TMEM63B: variants seen among roughly 807,000 people sequenced by gnomAD.
TMEM63B encodes transmembrane protein 63B.
Under a neutral mutation model 102.6 loss-of-function variants are expected in TMEM63B, and 23 were observed. That is an observed-to-expected ratio of 0.22 (90% CI 0.16 to 0.32). The LOEUF (loss-of-function observed/expected upper bound fraction) is 0.32, where lower values mean the gene tolerates loss of function less well. Among genes scored for constraint, TMEM63B ranks in the 10% least tolerant of loss-of-function variants. The pLI is 1.00. For synonymous variants in TMEM63B, 444 were observed against 437.0 expected (o/e 1.02, Z -0.20); for missense variants, 628 against 1,095.9 (o/e 0.57, Z 6.03).
intron 3 of TMEM63B, 54 bp from the exon 4 acceptor site, chr6:44,135,274 G>T: frequency 1.3e-6 from 2 of 1,591,372 alleles, no homozygotes; most frequent in East Asian, 2.3e-5. Context: ...TTCCTCACCT[G>T]TCCCCAGGGA....
In TMEM63B at chr6:44,134,621, G is replaced by C. The variant is rs1762568711; in HGVS notation, c.37G>C (p.Ala13Pro). 21 of 1,614,146 alleles carry C rather than the reference G, an allele frequency of 1.3e-5. No individual in the cohort carries two copies. The highest frequency in any genetic ancestry group is 1.5e-5 in the Non-Finnish European group (18 of 1,180,026). ...TCTGCTGGCCACACTGGGCACCACA[G>C]CCCTCAACAACAGCAACCCCAAGGA... is the stretch of plus-strand genomic sequence containing the variant. ...PFLLATLGTT[A>P]LNNSNPKDYC... Residue 13 changes from alanine to proline, a missense_variant, in exon 2 of 24, where the codon GCC becomes CCC. Ala to Pro is a conservative substitution (Grantham distance 27). This residue lies in a region of TMEM63B where 336 missense variants were observed against 580.3 expected (regional missense o/e 0.58). Coordinates refer to ENST00000323267, the MANE Select transcript of TMEM63B (RefSeq NM_018426.3).
chr6:44,136,581 G>C lies in TMEM63B; in HGVS notation c.369+142G>C, dbSNP rs1376637996. 3.0e-5 allele frequency: 20 copies of C among 660,092 alleles called. No individual in the cohort carries two copies. In the Admixed American group the frequency reaches 3.6e-4, roughly 12 times the overall value. The allele number at this position is 660,092 out of a possible 1,614,324, so 40.9% of individuals were successfully genotyped here. The stretch of plus-strand genomic sequence containing the variant: ...CAGCAAAGAAAGTGATTCAACCAAG[G>C]AGCCACAGGATGACCCCCCAGGCCC... On this transcript the variant is annotated intron_variant, in intron 5 of 23. Coordinates refer to ENST00000323267, the MANE Select transcript of TMEM63B (RefSeq NM_018426.3).
chr6:44,147,154 A>G (rs1205612823), intron 11 of TMEM63B, among the ~76,000 whole-genome samples: 1 of 152,194 alleles, frequency 6.6e-6, no homozygotes, highest in Non-Finnish European at 1.5e-5. Flanking sequence ...ATCTGAGGAC[A>G]TGCCCTTCTT....
chr6:44,128,994 G>A (rs955697147), intron 1 of TMEM63B, among the ~76,000 whole-genome samples: 5 of 152,236 alleles, frequency 3.3e-5, no homozygotes, highest in Admixed American at 3.3e-4. Context: ...TCCAAGTATA[G>A]CAGAGTCTTA....
chr6:44,129,012 G>A (rs1252809225), intron 1 of TMEM63B, among the ~76,000 whole-genome samples: 1 of 152,214 alleles, frequency 6.6e-6, no homozygotes, highest in African/African-American at 2.4e-5. Flanking sequence ...TTAGAGACCT[G>A]CGTTCAAATT....
Position 44,127,605 on chromosome 6 carries a change from T to G in TMEM63B, c.-98T>G. ...CCCGGAGCTCGAGCCGCCCAGCGAC[T>G]CCCCCTCCCCCTCCCCCAGCCCCGC... On this transcript the variant is annotated 5_prime_UTR_variant, in exon 1 of 24. Coordinates refer to ENST00000323267, the MANE Select transcript of TMEM63B (RefSeq NM_018426.3). 8.1e-6 allele frequency: 1 copy of G among 124,164 alleles called. No individual in the cohort carries two copies. Among genetic ancestry groups the G allele is most frequent in the African/African-American group, 3.1e-5 (1 of 32,198 alleles). 7.7% of individuals were successfully genotyped at this position (124,164 alleles called of 1,614,324 possible).
rs1763837917 is a variant in TMEM63B, at chr6:44,139,699, A to G, written c.551-9A>G. 22 of 1,614,058 alleles carry G rather than the reference A, an allele frequency of 1.4e-5. No individual in the cohort carries two copies. The highest frequency in any genetic ancestry group is 1.8e-5 in the Non-Finnish European group (21 of 1,179,998). On this transcript the variant is annotated splice_polypyrimidine_tract_variant and intron_variant, in intron 7 of 23. Transcript: ENST00000323267. The stretch of plus-strand genomic sequence containing the variant: ...CCACCATCATCCTCTCCCTCTTCCC[A>G]CCCCACAGAGAACAATGCCTACAGC...
At chr6:44,134,522 T>TG (rs1762550397) in intron 1 of TMEM63B, 39 bp from the exon 2 acceptor site, 28 of 1,580,968 alleles carry the variant, frequency 1.8e-5, no homozygotes, top group Non-Finnish European at 2.3e-5. Flanking sequence ...ATGAAGGGGA[T>TG]GGGGGCAAGC....
rs976806740 is a variant in TMEM63B at position 44,143,543 on chromosome 6, A to G, written c.782+2445A>G. 5.3e-5 allele frequency among the ~76,000 whole-genome samples: 8 copies of G among 151,138 alleles called. No individual in the cohort carries two copies. In the East Asian group the frequency reaches 1.2e-3, roughly 22 times the overall value. On this transcript the variant is annotated intron_variant, in intron 10 of 23. Coordinates refer to ENST00000323267, the MANE Select transcript of TMEM63B (RefSeq NM_018426.3). ...TACCATCCAGTTGGAATCAGTTGTCAGCTTGTATTGAAATCTGGTGTTTGT... is the reference window on the plus strand; with the variant it reads ...TACCATCCAGTTGGAATCAGTTGTCGGCTTGTATTGAAATCTGGTGTTTGT...
chr6:44,151,975 G>T lies in TMEM63B; in HGVS notation c.1803G>T (p.Ala601=). 6.2e-7 allele frequency: 1 copy of T among 1,611,252 alleles called. No individual in the cohort carries two copies. Among genetic ancestry groups the T allele is most frequent in the Non-Finnish European group, 8.5e-7 (1 of 1,178,696 alleles). The change falls in exon 19 of 24, where the codon GCG becomes GCT. Residue 601 remains alanine (A), a synonymous_variant. Coordinates refer to ENST00000323267, the MANE Select transcript of TMEM63B (RefSeq NM_018426.3). ...TGTACATGATCCGGCTCTGCCTGGCGCGCTCGGCCGCCGAGAGGCGCAACG... is the reference window on the plus strand; with the variant it reads ...TGTACATGATCCGGCTCTGCCTGGCTCGCTCGGCCGCCGAGAGGCGCAACG... ...LLMYMIRLCL[A]RSAAERRNVK...
Position 44,152,651 on chromosome 6 carries a change from C to T in TMEM63B, c.1895C>T (p.Thr632Met), listed in dbSNP as rs1431296279. 4 of 1,608,344 alleles carry T rather than the reference C, an allele frequency of 2.5e-6. No individual in the cohort carries two copies. The highest frequency in any genetic ancestry group is 3.4e-6 in the Non-Finnish European group (4 of 1,180,000). ...TACGCCTGGATGATGTGCGTCTTCA[C>T]GGTGGTCATGACCTACAGTATCACC... ...AAYAWMMCVFTVVMTYSITCP... is the reference protein window; with the variant it reads ...AAYAWMMCVFMVVMTYSITCP... Residue 632 changes from threonine to methionine, a missense_variant, in exon 20 of 24, where the codon ACG becomes ATG. This residue lies in a region of TMEM63B where 90 missense variants were observed against 136.7 expected (regional missense o/e 0.66). Transcript: ENST00000323267. This position sits in a 1 kb window ranked among gnomAD's most constrained non-coding sequence, Gnocchi z 6.4.
intron 9 of TMEM63B, among the ~76,000 whole-genome samples, 188 bp from the exon 10 acceptor site, chr6:44,140,840 C>T (rs1180063550): frequency 1.3e-5 from 2 of 152,070 alleles, no homozygotes; most frequent in Non-Finnish European, 1.5e-5. Context: ...GAAACACTCC[C>T]CTGCTTTCCC....
In TMEM63B at chr6:44,150,112, G is replaced by T; in HGVS notation, c.1521-112G>T. 1 of 1,339,648 alleles carries T rather than the reference G, an allele frequency of 7.5e-7. No homozygotes were observed. Among genetic ancestry groups the T allele is most frequent in the East Asian group, 2.4e-5 (1 of 41,538 alleles). The allele number at this position is 1,339,648 out of a possible 1,614,324, so 83.0% of individuals were successfully genotyped here. ...GGGTAGTGCCCAGCACCCTCACCTT[G>T]GGAGGCCCACCCTTCCCAGGGGACA... On this transcript the variant is annotated intron_variant, in intron 16 of 23. Coordinates refer to ENST00000323267, the MANE Select transcript of TMEM63B (RefSeq NM_018426.3). The surrounding 1 kb of genome is among the most constrained non-coding windows in gnomAD (Gnocchi z 4.7).
chr6:44,133,530 C>G (rs1762344849), intron 1 of TMEM63B, among the ~76,000 whole-genome samples: 1 of 152,214 alleles, frequency 6.6e-6, no homozygotes, highest in Non-Finnish European at 1.5e-5. Context: ...TGGGGCAGTG[C>G]TGCATCTGTT....
At chr6:44,146,712 A>G (rs528781652) in intron 10 of TMEM63B, 135 bp from the exon 11 acceptor site, 11 of 895,438 alleles carry the variant, frequency 1.2e-5, no homozygotes, top group African/African-American at 1.6e-5. Flanking sequence ...CGGCCCCCCA[A>G]AGTGCTGGGA....
At position 44,149,909 on chromosome 6, in the gene TMEM63B, G is replaced by A. The variant is rs755947120; in HGVS notation, c.1464G>A (p.Ser488=). ...CCACCCTGCTGCTGTGGTGCTTCTC[G>A]GCCCTCCTTCCCACCATCGTCTACT... The part of the protein sequence containing the change: ...FFPTLLLWCF[S]ALLPTIVYYS... Residue 488 remains serine (S), a synonymous_variant, in exon 16 of 24, where the codon TCG becomes TCA. Coordinates refer to ENST00000323267, the MANE Select transcript of TMEM63B (RefSeq NM_018426.3). The A allele has an allele frequency of 3.3e-5, 53 of 1,613,392 alleles. No homozygotes were observed. The highest frequency in any genetic ancestry group is 1.2e-4 in the Admixed American group (7 of 59,914).
At position 44,139,469 on chromosome 6, in the gene TMEM63B, A is replaced by G. The variant is rs755585313; in HGVS notation, c.410A>G (p.Asp137Gly). Residue 137 changes from aspartate to glycine, a missense_variant and splice_region_variant, in exon 7 of 24, where the codon GAT becomes GGT. By Grantham distance (94) the Asp-to-Gly change is moderately conservative. Coordinates refer to ENST00000323267, the MANE Select transcript of TMEM63B (RefSeq NM_018426.3). ...SWLTAIFRIKDDEIRDKCGGD... is the reference protein window; with the variant it reads ...SWLTAIFRIKGDEIRDKCGGD... ...TTGTCCAACCCGTATGGCTGCAGGGATGATGAGATCCGGGACAAATGTGGG... is the reference window on the plus strand; with the variant it reads ...TTGTCCAACCCGTATGGCTGCAGGGGTGATGAGATCCGGGACAAATGTGGG... 3.5e-5 allele frequency: 57 copies of G among 1,613,970 alleles called. No homozygotes were observed. The highest frequency in any genetic ancestry group is 4.8e-5 in the Non-Finnish European group (57 of 1,180,024).
intron 5 of TMEM63B, among the ~76,000 whole-genome samples, chr6:44,136,818 G>A (rs536017707): frequency 2.6e-5 from 4 of 152,306 alleles, no homozygotes; most frequent in Admixed American, 6.5e-5. Context: ...AGGCCGAGGC[G>A]GGAGGATCAC....
chr6:44,134,732 A>G lies in TMEM63B; in HGVS notation c.148A>G (p.Met50Val), dbSNP rs772159167. The G allele has an allele frequency of 1.9e-6, 3 of 1,612,696 alleles. No homozygotes were observed. Among genetic ancestry groups the G allele is most frequent in the Non-Finnish European group, 2.5e-6 (3 of 1,178,998 alleles). ...GVPTVLALDF[M>V]CFLALLFLFS... is the part of the protein sequence containing the mutation. Reference sequence around the variant, plus strand: ...CCCCACCGTGCTGGCTCTCGACTTCATGTGCTTCCTTGTAAGTGCCTGCTG... The same window carrying G: ...CCCCACCGTGCTGGCTCTCGACTTCGTGTGCTTCCTTGTAAGTGCCTGCTG... Residue 50 changes from methionine to valine, a missense_variant, in exon 2 of 24, where the codon ATG (methionine) becomes GTG (valine). Physicochemically the swap from Met to Val is conservative, Grantham distance 21. Around this residue, in one of 6 missense-constraint regions of TMEM63B, gnomAD observed 336 missense variants for 580.3 expected, o/e 0.58. Transcript: ENST00000323267.
Sources: allele counts gnomAD v4.1 joint callset (sites outside exome capture counted in the v4.1 genomes callset), GRCh38; gene constraint gnomAD v4.1.1; regional missense constraint gnomAD v4.1.1; non-coding constraint Gnocchi (gnomAD v3.1); transcripts MANE v1.5; gene names NCBI Gene and HGNC (gene_info 2026-07-23, HGNC 2026-07-21).